The following MMS19 variants were observed in gnomAD, a reference collection of about 807,000 sequenced individuals.
MMS19 encodes MMS19 cytosolic iron-sulfur assembly component, also known as MMS19 nucleotide excision repair protein homolog.
MMS19 carries 77 observed loss-of-function variants against 129.8 expected under a neutral mutation model. That is an observed-to-expected ratio of 0.59 (90% confidence interval 0.49 to 0.72). The LOEUF (loss-of-function observed/expected upper bound fraction) is 0.72. Ranked by LOEUF, MMS19 falls within the 30% of genes least tolerant of loss-of-function variation. MMS19 has a pLI of 0.00. For synonymous variants in MMS19, 491 were observed against 502.8 expected (o/e 0.98, Z 0.31); for missense variants, 1,168 against 1,266.3 (o/e 0.92, Z 1.18).
chr10:97,491,365 T>A (rs1320639586), intron 1 of MMS19, among the ~76,000 whole-genome samples: 1 of 152,216 alleles, frequency 6.6e-6, no homozygotes, highest in East Asian at 1.9e-4. Flanking sequence ...TTTTCATTTT[T>A]TTAAAAAAAT....
chr10:97,476,572 G>T (rs141626407), intron 8 of MMS19, 111 bp downstream of exon 8: 4 of 802,632 alleles, frequency 5.0e-6, no homozygotes, highest in Non-Finnish European at 8.1e-6. Context: ...ATAAAATAAT[G>T]AGGGCGGGGA....
chr10:97,466,867 C>G lies in MMS19; in HGVS notation c.1332G>C (p.Leu444=). Residue 444 remains leucine, a synonymous_variant, in exon 15 of 31, where the codon CTG becomes CTC. Transcript: ENST00000438925. ...TTAGAGCCATGAATACCAGTGAGCA[C>G]AGCTGGTCCTTGAAGCCATTCAGAG... ...QRPLNGFKDQ[L]CSLVFMALTD... 6.2e-7 allele frequency: 1 copy of G among 1,613,914 alleles called. No homozygotes were observed. The highest frequency in any genetic ancestry group is 8.5e-7 in the Non-Finnish European group (1 of 1,179,822).
chr10:97,462,674 G>A lies in MMS19; in HGVS notation c.1921C>T (p.Pro641Ser). 6 of 1,613,250 alleles carry A rather than the reference G, an allele frequency of 3.7e-6. No homozygotes were observed. Among genetic ancestry groups the A allele is most frequent in the Non-Finnish European group, 5.1e-6 (6 of 1,179,292 alleles). ...AATAGTACTTTTCTCAGAACTGAGGGCTCCTTCTCTGCAAAACACACACAC... is the reference window on the plus strand; with the variant it reads ...AATAGTACTTTTCTCAGAACTGAGGACTCCTTCTCTGCAAAACACACACAC... ...AVQASMPEKE[P>S]SVLRKVLLED... Residue 641 changes from proline to serine, a missense_variant, in exon 20 of 31, where the codon CCC becomes TCC. By Grantham distance (74) the Pro-to-Ser change is moderately conservative. Around this residue, in one of 3 missense-constraint regions of MMS19, gnomAD observed 831 missense variants for 910.8 expected, o/e 0.91. Transcript: ENST00000438925.
intron 1 of MMS19, among the ~76,000 whole-genome samples, chr10:97,487,572 G>A (rs1471096159): frequency 6.6e-6 from 1 of 151,954 alleles, no homozygotes; most frequent in African/African-American, 2.4e-5. Context: ...GCTGGCCTTG[G>A]CCTCCCAAAG....
At chr10:97,464,896 G>A (rs1177187815) in intron 18 of MMS19, among the ~76,000 whole-genome samples, 1 of 151,892 alleles carries the variant, frequency 6.6e-6, no homozygotes, top group Non-Finnish European at 1.5e-5. Flanking sequence ...ATGCGGTTTC[G>A]CCATGTTGCA....
intron 18 of MMS19, among the ~76,000 whole-genome samples, chr10:97,464,481 T>C (rs965739040): frequency 1.3e-5 from 2 of 152,130 alleles, no homozygotes; most frequent in African/African-American, 4.8e-5. Flanking sequence ...CACTTTTGCA[T>C]TGGAGCAGTG....
At chr10:97,494,655 A>C (rs2039485090) in intron 1 of MMS19, among the ~76,000 whole-genome samples, 2 of 152,250 alleles carry the variant, frequency 1.3e-5, no homozygotes, top group Non-Finnish European at 2.9e-5. Flanking sequence ...AATAACTAAA[A>C]GGAAAAAAAT....
upstream of MMS19, chr10:97,498,483 G>A (rs1386922558): frequency 2.0e-6 from 3 of 1,503,106 alleles, no homozygotes; most frequent in South Asian, 1.2e-5. Context: ...AAGCGCAAGG[G>A]GGCGGGGCGC....
intron 1 of MMS19, among the ~76,000 whole-genome samples, chr10:97,488,840 T>C (rs909287824): frequency 6.6e-6 from 1 of 152,232 alleles, no homozygotes; most frequent in Non-Finnish European, 1.5e-5. Flanking sequence ...ACAGCATTAT[T>C]CGTAACAGTA....
At chr10:97,485,691 A>T (rs1417482551) in intron 1 of MMS19, among the ~76,000 whole-genome samples, 1 of 151,304 alleles carries the variant, frequency 6.6e-6, no homozygotes, top group Admixed American at 6.6e-5. Flanking sequence ...CAGGTGATCC[A>T]CCCGCCTCTG....
At position 97,468,355 on chromosome 10, in the gene MMS19, G is replaced by C; in HGVS notation, c.1115C>G (p.Ala372Gly). The change falls in exon 13 of 31, where the codon GCC (alanine) becomes GGC (glycine). Residue 372 changes from alanine (A) to glycine (G), a missense_variant. Ala to Gly is a moderately conservative substitution (Grantham distance 60). Coordinates refer to ENST00000438925, the MANE Select transcript of MMS19 (RefSeq NM_022362.5). ...ACCTGCAGCTGCCTGCAACAGCTTGGCACTAGGCCACACCAGTTTCATGTC... is the reference window on the plus strand; with the variant it reads ...ACCTGCAGCTGCCTGCAACAGCTTGCCACTAGGCCACACCAGTTTCATGTC... ...EPDMKLVWPSAKLLQAAAGAS... is the reference protein window; with the variant it reads ...EPDMKLVWPSGKLLQAAAGAS... The C allele has an allele frequency of 6.2e-7, 1 of 1,612,846 alleles. No individual in the cohort carries two copies. Among genetic ancestry groups the C allele is most frequent in the Non-Finnish European group, 8.5e-7 (1 of 1,179,232 alleles).
At chr10:97,458,970 G>T in intron 29 of MMS19, 70 bp from the exon 30 acceptor site, 1 of 1,453,596 alleles carries the variant, frequency 6.9e-7, no homozygotes, top group Non-Finnish European at 9.6e-7. Context: ...TTTTGATTCT[G>T]TACAACTAAT....
rs1248525290 is a variant in MMS19 at position 97,467,496 on chromosome 10, C to T, written c.1297+9G>A. ...GTCCCCAGAGCACTGCAATGGAAGG[C>T]AACCTCACCTTTGTCTTCATAGCTC... On this transcript the variant is annotated intron_variant, in intron 14 of 30. Transcript: ENST00000438925. The T allele has an allele frequency of 2.5e-6, 4 of 1,610,990 alleles. No homozygotes were observed. The highest frequency in any genetic ancestry group is 3.4e-6 in the Non-Finnish European group (4 of 1,177,380).
intron 14 of MMS19, 55 bp from the exon 15 acceptor site, chr10:97,466,956 G>C (rs1303495016): frequency 4.4e-6 from 7 of 1,607,204 alleles, no homozygotes; most frequent in Admixed American, 3.4e-5. Flanking sequence ...CCATATCCCT[G>C]ACTAAGCTGT....
At chr10:97,465,347 AGGCT>A (rs2133360353) in intron 18 of MMS19, among the ~76,000 whole-genome samples, 1 of 151,902 alleles carries the variant, frequency 6.6e-6, no homozygotes, top group South Asian at 2.1e-4. Context: ...CAGGCTGGCC[AGGCT>A]GGAGTACAGT....
chr10:97,470,496 G>C lies in MMS19; in HGVS notation c.771+279C>G, dbSNP rs571089067. Among the ~76,000 whole-genome samples the C allele has an allele frequency of 3.3e-5, 5 of 152,236 alleles. No individual in the cohort carries two copies. The East Asian group carries it at 7.7e-4, about 23-fold the overall frequency. ...AGACGAGGTCTCCCTATGTTGCCCA[G>C]GCTGGATTTGAACTCCTGGGTTTAA... On this transcript the variant is annotated intron_variant, in intron 9 of 30. Transcript: ENST00000438925.
chr10:97,466,763 C>T lies in MMS19; in HGVS notation c.1423+13G>A. ...GACCAATATTTTCCTCTTCTCTTTC[C>T]CTTAAGATGTACCTGGCTGGGCACC... is the stretch of plus-strand genomic sequence containing the variant. On this transcript the variant is annotated intron_variant, in intron 15 of 30. Transcript: ENST00000438925. 6 of 1,613,986 alleles carry T rather than the reference C, an allele frequency of 3.7e-6. No homozygotes were observed. Among genetic ancestry groups the T allele is most frequent in the South Asian group, 2.2e-5 (2 of 91,082 alleles).
At chr10:97,495,244 GC>G (rs1173157238) in intron 1 of MMS19, among the ~76,000 whole-genome samples, 1 of 152,192 alleles carries the variant, frequency 6.6e-6, no homozygotes, top group Non-Finnish European at 1.5e-5. Context: ...AAAGGCTGGG[GC>G]CAGGTAGTGG....
chr10:97,489,549 G>A (rs1380987831), intron 1 of MMS19, among the ~76,000 whole-genome samples: 1 of 152,222 alleles, frequency 6.6e-6, no homozygotes. Flanking sequence ...AAAACTAAGA[G>A]ATTAGGTTAG....
Sources: allele counts gnomAD v4.1 joint callset (sites outside exome capture counted in the v4.1 genomes callset), GRCh38; gene constraint gnomAD v4.1.1; regional missense constraint gnomAD v4.1.1; transcripts MANE v1.5; gene names NCBI Gene and HGNC (gene_info 2026-07-23, HGNC 2026-07-21).